DAPK1: variants seen among roughly 807,000 people sequenced by gnomAD.
DAPK1 encodes the protein death-associated protein kinase 1.
Under a neutral mutation model 144.9 loss-of-function variants are expected in DAPK1, and 56 were observed. The observed-to-expected ratio is 0.39, with a 90% confidence interval of 0.31 to 0.48. The LOEUF (loss-of-function observed/expected upper bound fraction) is 0.48. Among genes scored for constraint, DAPK1 ranks in the 20% least tolerant of loss-of-function variants. DAPK1 has a pLI of 0.95. For synonymous variants in DAPK1, 690 were observed against 749.0 expected, an observed-to-expected ratio of 0.92 and a Z score of 1.29; for missense variants, 1,454 against 1,875.4, an observed-to-expected ratio of 0.78 and a Z score of 4.15.
At chr9:87,619,114 T>TC (rs1279264349) in intron 3 of DAPK1, among the ~76,000 whole-genome samples, 3 of 151,988 alleles carry the variant, frequency 2.0e-5, no homozygotes, top group African/African-American at 7.2e-5. Context: ...TCACACCTGT[T>TC]CCCCTGTAGA....
chr9:87,615,063 C>G (rs1248159435), intron 3 of DAPK1, among the ~76,000 whole-genome samples: 4 of 152,208 alleles, frequency 2.6e-5, no homozygotes, highest in African/African-American at 9.7e-5. Context: ...TCAGTATCTG[C>G]AAGCAGGTCA....
At chr9:87,627,404 G>A (rs184866651) in intron 3 of DAPK1, among the ~76,000 whole-genome samples, 21 of 152,272 alleles carry the variant, frequency 1.4e-4, no homozygotes, top group African/African-American at 4.3e-4. Context: ...GTAGGTAGGC[G>A]GTGTTGCTTA....
chr9:87,580,412 A>G (rs979586095), intron 2 of DAPK1, among the ~76,000 whole-genome samples: 1 of 152,124 alleles, frequency 6.6e-6, no homozygotes, highest in African/African-American at 2.4e-5. Flanking sequence ...GCAACTGGAA[A>G]CCTACATGCG....
intron 23 of DAPK1, among the ~76,000 whole-genome samples, chr9:87,699,551 T>C (rs1825385942): frequency 6.6e-6 from 1 of 150,406 alleles, no homozygotes; most frequent in African/African-American, 2.4e-5. Flanking sequence ...AGGATTATGA[T>C]GTAAAATATA....
chr9:87,621,915 C>T (rs767230681), intron 3 of DAPK1, among the ~76,000 whole-genome samples: 5 of 152,016 alleles, frequency 3.3e-5, no homozygotes, highest in Admixed American at 2.0e-4. Flanking sequence ...ACACTGGGCT[C>T]GGTAGAGCCT....
chr9:87,591,002 C>T (rs36205443), intron 2 of DAPK1, among the ~76,000 whole-genome samples: 2,660 of 152,310 alleles, frequency 0.017, 71 homozygotes, highest in African/African-American at 0.059. Context: ...CTTTCAAGGG[C>T]CAATTACAAA....
At chr9:87,573,506 G>T (rs1008455457) in intron 2 of DAPK1, among the ~76,000 whole-genome samples, 2 of 152,200 alleles carry the variant, frequency 1.3e-5, no homozygotes, top group African/African-American at 4.8e-5. Flanking sequence ...GTAAGAGTGG[G>T]GATATGTAGC....
In DAPK1 at chr9:87,639,816, G is replaced by GT; in HGVS notation, c.629+2dup. On this transcript the variant is annotated splice_donor_variant, in intron 7 of 25. Transcript: ENST00000408954. Reference sequence around the variant, plus strand: ...GTATCGGGGTAATAACCTATATCCTGTAAGTATCAGAATTCACAACTCATA... The same window carrying GT: ...GTATCGGGGTAATAACCTATATCCTGTTAAGTATCAGAATTCACAACTCATA... 1 of 1,613,282 alleles carries GT rather than the reference G, an allele frequency of 6.2e-7. No homozygotes were observed. Among genetic ancestry groups the GT allele is most frequent in the East Asian group, 2.2e-5 (1 of 44,854 alleles).
chr9:87,548,295 G>A (rs1282526914), intron 2 of DAPK1, among the ~76,000 whole-genome samples: 7 of 152,174 alleles, frequency 4.6e-5, no homozygotes, highest in African/African-American at 1.7e-4. Context: ...AAAGTCAGAA[G>A]GCCTGCGTTA....
At position 87,562,430 on chromosome 9, in the gene DAPK1, G is replaced by A. The variant is rs138615865; in HGVS notation, c.63-42524G>A. On this transcript the variant is annotated intron_variant, in intron 2 of 25. Transcript: ENST00000408954. ...AGGACTGGGTCTTGAGGCTTTCGTC[G>A]GGAACCAACAGGAGGAGTTGAGCCC... Among the ~76,000 whole-genome samples the A allele has an allele frequency of 2.8e-3, 431 of 152,202 alleles. 2 individuals carry two copies. The highest frequency in any genetic ancestry group is 9.6e-3 in the African/African-American group (400 of 41,540).
At chr9:87,654,165 G>C (rs1830553262) in intron 17 of DAPK1, among the ~76,000 whole-genome samples, 1 of 152,164 alleles carries the variant, frequency 6.6e-6, no homozygotes, top group South Asian at 2.1e-4. Context: ...TTGACTTCTA[G>C]ATTTTAGCCA....
chr9:87,624,910 T>G (rs1829437331), intron 3 of DAPK1, among the ~76,000 whole-genome samples: 1 of 152,202 alleles, frequency 6.6e-6, no homozygotes, highest in African/African-American at 2.4e-5. Context: ...CATCTTCAGA[T>G]GTGGGAGGGT....
chr9:87,569,928 AACT>A (rs1477512168), intron 2 of DAPK1, among the ~76,000 whole-genome samples: 1 of 152,226 alleles, frequency 6.6e-6, no homozygotes, highest in Non-Finnish European at 1.5e-5. Flanking sequence ...AATCACCATA[AACT>A]ACTACTTCTA....
intron 22 of DAPK1, among the ~76,000 whole-genome samples, chr9:87,697,944 C>A (rs904672579): frequency 6.6e-6 from 1 of 152,020 alleles, no homozygotes; most frequent in Non-Finnish European, 1.5e-5. Context: ...CACAGTGAGA[C>A]CCTGTCTCAA....
At chr9:87,600,059 T>TG (rs1828461043) in intron 2 of DAPK1, among the ~76,000 whole-genome samples, 1 of 152,130 alleles carries the variant, frequency 6.6e-6, no homozygotes, top group South Asian at 2.1e-4. Context: ...GTACTATACT[T>TG]GGGGGTCATT....
At chr9:87,600,522 G>A (rs1828478529) in intron 2 of DAPK1, among the ~76,000 whole-genome samples, 1 of 152,154 alleles carries the variant, frequency 6.6e-6, no homozygotes, top group Non-Finnish European at 1.5e-5. Context: ...GAGCTCGGGA[G>A]GTCAAGGCTG....
At chr9:87,542,223 T>C (rs1334564146) in intron 2 of DAPK1, among the ~76,000 whole-genome samples, 3 of 152,202 alleles carry the variant, frequency 2.0e-5, no homozygotes, top group Non-Finnish European at 4.4e-5. Flanking sequence ...GGTGGGAAAT[T>C]CCGTATGAAC....
chr9:87,522,882 A>G (rs551217939), intron 2 of DAPK1, among the ~76,000 whole-genome samples: 1 of 152,112 alleles, frequency 6.6e-6, no homozygotes, highest in Non-Finnish European at 1.5e-5. Context: ...TTTAAGAACT[A>G]TTTGTCTCTG....
intron 2 of DAPK1, among the ~76,000 whole-genome samples, chr9:87,575,213 CAATAAAATAAAATAAAATAAAATAA>C (rs10522915): frequency 1.4e-3 from 181 of 131,400 alleles, no homozygotes; most frequent in African/African-American, 4.4e-3. Flanking sequence ...GACTCCATCT[CAATAAAATAAAATAAAATAAAATAA>C]AATAAAATAA....
Sources: gnomAD v4.1 joint callset for allele counts (sites outside exome capture counted in the v4.1 genomes callset) on GRCh38, gnomAD v4.1.1 for gene constraint, MANE v1.5 for transcripts, NCBI Gene and HGNC (gene_info 2026-07-23, HGNC 2026-07-21) for gene names.